The following SLC38A12 variants were observed in gnomAD, a reference collection of about 807,000 sequenced individuals.
SLC38A12 encodes the protein putative sodium-coupled neutral amino acid transporter 12.
At chr17:74,795,977 A>G in the SLC38A12 span, among the ~76,000 whole-genome samples, 1 of 152,096 alleles carries the variant, frequency 6.6e-6, no homozygotes, top group Non-Finnish European at 1.5e-5. Context: ...ATTTTTTCCG[A>G]AACTTTCCAT....
chr17:74,804,051 CTGTT>C, the SLC38A12 span, among the ~76,000 whole-genome samples: 51 of 152,300 alleles, frequency 3.3e-4, no homozygotes, highest in East Asian at 9.2e-3. Flanking sequence ...ATATGCCAAA[CTGTT>C]TGTCTTCTGC....
At chr17:74,832,777 C>T in the SLC38A12 span, among the ~76,000 whole-genome samples, 3 of 152,254 alleles carry the variant, frequency 2.0e-5, no homozygotes, top group African/African-American at 7.2e-5. Flanking sequence ...GTGTTTATCC[C>T]ACTTTCTAAC....
the SLC38A12 span, among the ~76,000 whole-genome samples, chr17:74,808,183 G>T: frequency 1.3e-5 from 2 of 152,250 alleles, no homozygotes; most frequent in East Asian, 3.9e-4. Flanking sequence ...CAAGGCCACT[G>T]GGCCAGCCCA....
chr17:74,829,301 T>C, the SLC38A12 span, among the ~76,000 whole-genome samples: 1 of 152,122 alleles, frequency 6.6e-6, no homozygotes, highest in East Asian at 1.9e-4. This position sits in a 1 kb window ranked among gnomAD's most constrained non-coding sequence, Gnocchi z 4.1. Flanking sequence ...TTTTTGTATT[T>C]TTAGTAAGGA....
At chr17:74,800,658 G>T in the SLC38A12 span, among the ~76,000 whole-genome samples, 1 of 152,264 alleles carries the variant, frequency 6.6e-6, no homozygotes, top group South Asian at 2.1e-4. Flanking sequence ...TGGACTTGGA[G>T]ACTCTGGGGA....
chr17:74,830,149 C>T, the SLC38A12 span, among the ~76,000 whole-genome samples: 1 of 152,200 alleles, frequency 6.6e-6, no homozygotes, highest in Non-Finnish European at 1.5e-5. Flanking sequence ...GACACCTACT[C>T]ATCCCCATCT....
At chr17:74,800,325 CACCG>C in the SLC38A12 span, among the ~76,000 whole-genome samples, 1 of 152,234 alleles carries the variant, frequency 6.6e-6, no homozygotes, top group Non-Finnish European at 1.5e-5. Flanking sequence ...CCATCATTGT[CACCG>C]ACTTGATTGA....
At chr17:74,803,902 ATTTT>A in the SLC38A12 span, among the ~76,000 whole-genome samples, 19 of 152,214 alleles carry the variant, frequency 1.2e-4, no homozygotes, top group East Asian at 3.5e-3. Context: ...CACCTTTTTT[ATTTT>A]TTATTTTTTT....
At chr17:74,787,314 G>A in the SLC38A12 span, among the ~76,000 whole-genome samples, 1 of 140,840 alleles carries the variant, frequency 7.1e-6, no homozygotes, top group Non-Finnish European at 1.6e-5. Context: ...TGGCAGAGTT[G>A]TCCTGGCCTC....
At chr17:74,824,987 C>T in the SLC38A12 span, among the ~76,000 whole-genome samples, 2 of 152,246 alleles carry the variant, frequency 1.3e-5, no homozygotes, top group African/African-American at 4.8e-5. Flanking sequence ...TCCCTGCAGA[C>T]AGCCTCCCAG....
At chr17:74,800,027 G>A in the SLC38A12 span, among the ~76,000 whole-genome samples, 3 of 152,196 alleles carry the variant, frequency 2.0e-5, no homozygotes, top group Non-Finnish European at 2.9e-5. Context: ...TTCACAGCAG[G>A]GAAAACTGAC....
the SLC38A12 span, among the ~76,000 whole-genome samples, chr17:74,786,724 GC>G: frequency 1.9e-4 from 29 of 152,264 alleles, no homozygotes; most frequent in African/African-American, 7.0e-4. Context: ...ATAGGAAAAC[GC>G]CCATGGTTTT....
the SLC38A12 span, chr17:74,836,087 C>G: frequency 6.2e-7 from 1 of 1,613,848 alleles, no homozygotes; most frequent in South Asian, 1.1e-5. The surrounding 1 kb of genome is among the most constrained non-coding windows in gnomAD (Gnocchi z 4.2). Flanking sequence ...TTACCCCCGT[C>G]TCCTCCAAGC....
the SLC38A12 span, among the ~76,000 whole-genome samples, chr17:74,830,716 C>G: frequency 2.0e-5 from 3 of 152,314 alleles, no homozygotes; most frequent in East Asian, 3.9e-4. Flanking sequence ...AAGGCAGGCA[C>G]CTTCTCTGAC....
the SLC38A12 span, among the ~76,000 whole-genome samples, chr17:74,807,242 C>G: frequency 2.0e-5 from 3 of 152,174 alleles, no homozygotes; most frequent in African/African-American, 7.2e-5. Context: ...CCCCTCTTCC[C>G]TCACCCCCTG....
the SLC38A12 span, among the ~76,000 whole-genome samples, chr17:74,817,804 A>C: frequency 6.6e-6 from 1 of 151,968 alleles, no homozygotes. Context: ...CCTTCTAAAA[A>C]CCAGTCTTTA....
At chr17:74,795,200 G>GC in the SLC38A12 span, 1 of 1,101,166 alleles carries the variant, frequency 9.1e-7, no homozygotes, top group Non-Finnish European at 1.4e-6. Context: ...GAAGCACCAT[G>GC]CCAAGTGAGT....
the SLC38A12 span, among the ~76,000 whole-genome samples, chr17:74,825,965 T>C: frequency 2.0e-5 from 3 of 152,006 alleles, no homozygotes; most frequent in Non-Finnish European, 2.9e-5. Flanking sequence ...TCTTCCTCAC[T>C]CTCTCCTTCC....
At chr17:74,805,659 T>A in the SLC38A12 span, among the ~76,000 whole-genome samples, 3 of 152,092 alleles carry the variant, frequency 2.0e-5, no homozygotes, top group African/African-American at 7.2e-5. This position sits in a 1 kb window ranked among gnomAD's most constrained non-coding sequence, Gnocchi z 5.0. Context: ...AGGCCAGACG[T>A]CAGCAGAAAA....
Sources: allele counts gnomAD v4.1 joint callset (sites outside exome capture counted in the v4.1 genomes callset), GRCh38; gene constraint gnomAD v4.1.1; non-coding constraint Gnocchi (gnomAD v3.1); transcripts MANE v1.5; gene names NCBI Gene and HGNC (gene_info 2026-07-23, HGNC 2026-07-21).